The following SMYD3 variants were observed in gnomAD, a reference collection of about 807,000 sequenced individuals.
SMYD3 encodes SET and MYND domain containing 3, also known as histone-lysine N-methyltransferase SMYD3.
In SMYD3, 36 loss-of-function variants were observed where a neutral mutation model predicts 57.7. The observed-to-expected ratio is 0.62, with a 90% confidence interval of 0.48 to 0.82. SMYD3 has a LOEUF of 0.82. Ranked by LOEUF, SMYD3 falls within the 40% of genes least tolerant of loss-of-function variation. The probability of loss-of-function intolerance (pLI) is 0.00; values close to 1 mark genes in which losing one functional copy is unlikely to be tolerated. For missense variants in SMYD3, 515 were observed against 538.8 expected (o/e 0.96, Z 0.44); for synonymous variants, 211 against 195.0 (o/e 1.08, Z -0.68).
chr1:246,297,949 T>C (rs2064824747), intron 5 of SMYD3, among the ~76,000 whole-genome samples: 1 of 152,164 alleles, frequency 6.6e-6, no homozygotes, highest in Admixed American at 6.6e-5. Context: ...ATGTTATTTA[T>C]GAATTATAAC....
chr1:246,429,600 A>G (rs1314813497), intron 1 of SMYD3, among the ~76,000 whole-genome samples: 1 of 152,248 alleles, frequency 6.6e-6, no homozygotes, highest in African/African-American at 2.4e-5. Context: ...TGAAACAGCA[A>G]TCAACCCTGC....
At chr1:246,316,951 C>T (rs1490898181) in intron 5 of SMYD3, among the ~76,000 whole-genome samples, 2 of 150,582 alleles carry the variant, frequency 1.3e-5, no homozygotes, top group Admixed American at 6.6e-5. Context: ...GCTGTGATCA[C>T]GCCACTACAC....
chr1:245,767,080 G>A (rs1558315600), intron 10 of SMYD3, among the ~76,000 whole-genome samples: 1 of 152,170 alleles, frequency 6.6e-6, no homozygotes, highest in African/African-American at 2.4e-5. Context: ...CACTCCTGCT[G>A]GGAGACATTC....
At chr1:246,460,491 T>C (rs1239075144) in intron 1 of SMYD3, among the ~76,000 whole-genome samples, 2 of 152,360 alleles carry the variant, frequency 1.3e-5, no homozygotes, top group African/African-American at 4.8e-5. Flanking sequence ...AATATTATTT[T>C]CTACAGCTTT....
intron 2 of SMYD3, among the ~76,000 whole-genome samples, chr1:246,347,456 T>C (rs2065741279): frequency 6.6e-6 from 1 of 152,228 alleles, no homozygotes. Context: ...TAAAGATAAG[T>C]ATATGTCTGT....
chr1:246,319,134 A>C (rs895872176), intron 5 of SMYD3, among the ~76,000 whole-genome samples: 1 of 152,376 alleles, frequency 6.6e-6, no homozygotes, highest in South Asian at 2.1e-4. Flanking sequence ...TGTAATAAAG[A>C]CAACATATAT....
intron 8 of SMYD3, among the ~76,000 whole-genome samples, chr1:245,895,843 G>A (rs943360789): frequency 1.6e-4 from 24 of 152,208 alleles, no homozygotes; most frequent in African/African-American, 5.5e-4. Flanking sequence ...GTGTCGTGGA[G>A]GGTCTCAGAA....
chr1:245,881,552 AT>A (rs1358107265), intron 8 of SMYD3, among the ~76,000 whole-genome samples: 1 of 152,170 alleles, frequency 6.6e-6, no homozygotes, highest in Non-Finnish European at 1.5e-5. Context: ...AACAGTATTT[AT>A]TCACATATTC....
rs1021584363 is a variant in SMYD3, at chr1:246,203,062, T to A, written c.531+124139A>T. On this transcript the variant is annotated intron_variant, in intron 5 of 11. Coordinates refer to ENST00000490107, the MANE Select transcript of SMYD3 (RefSeq NM_001167740.2). This position sits in a 1 kb window ranked among gnomAD's most constrained non-coding sequence, Gnocchi z 4.6. ...ATCACTTCAACCTGGGAGGGTGAGG[T>A]TGCACTGAGCTGAGATCGCACCACT... is the stretch of plus-strand genomic sequence containing the variant. Among the ~76,000 whole-genome samples, 3 of 151,978 alleles carry A rather than the reference T, an allele frequency of 2.0e-5. No individual in the cohort carries two copies. Among genetic ancestry groups the A allele is most frequent in the African/African-American group, 7.3e-5 (3 of 41,374 alleles).
chr1:245,838,554 G>A (rs922223614), intron 10 of SMYD3, among the ~76,000 whole-genome samples: 1 of 152,164 alleles, frequency 6.6e-6, no homozygotes, highest in Non-Finnish European at 1.5e-5. Flanking sequence ...GATACATGTA[G>A]GTCTAGGTTT....
chr1:246,353,940 C>G (rs1363701890), intron 2 of SMYD3, among the ~76,000 whole-genome samples: 1 of 152,176 alleles, frequency 6.6e-6, no homozygotes, highest in South Asian at 2.1e-4. Context: ...GCATGAGAAC[C>G]TGGAACCCCT....
intron 5 of SMYD3, among the ~76,000 whole-genome samples, chr1:246,126,132 T>C (rs1344814109): frequency 6.6e-6 from 1 of 152,170 alleles, no homozygotes; most frequent in Non-Finnish European, 1.5e-5. Context: ...AGCTAAATCA[T>C]GGAGCAACAC....
intron 10 of SMYD3, chr1:245,814,432 A>C (rs1572412888): frequency 1.0e-6 from 1 of 961,810 alleles, no homozygotes; most frequent in Non-Finnish European, 1.2e-6. Flanking sequence ...GCAAAAAAAA[A>C]ATAAAAACGA....
intron 5 of SMYD3, among the ~76,000 whole-genome samples, chr1:246,198,563 T>A (rs1469707167): frequency 6.6e-6 from 1 of 152,244 alleles, no homozygotes; most frequent in Non-Finnish European, 1.5e-5. Context: ...TTACAACCAA[T>A]GAATGCTTCT....
intron 8 of SMYD3, among the ~76,000 whole-genome samples, chr1:245,912,267 C>T (rs1268254665): frequency 6.6e-6 from 1 of 151,758 alleles, no homozygotes; most frequent in African/African-American, 2.4e-5. Context: ...TAGCTACCCA[C>T]CCCCCAAAAA....
chr1:246,378,819 A>T (rs1241462307), intron 1 of SMYD3, among the ~76,000 whole-genome samples: 4 of 115,800 alleles, frequency 3.5e-5, no homozygotes, highest in Non-Finnish European at 6.7e-5. Flanking sequence ...TATATAATAT[A>T]TTTATATAGT....
intron 1 of SMYD3, among the ~76,000 whole-genome samples, chr1:246,360,365 A>G (rs990779779): frequency 3.9e-5 from 6 of 152,214 alleles, no homozygotes; most frequent in Admixed American, 3.9e-4. Flanking sequence ...ATATTGTGAA[A>G]ATGGCCATAT....
At chr1:246,340,953 A>G (rs1219083541) in intron 2 of SMYD3, among the ~76,000 whole-genome samples, 1 of 152,144 alleles carries the variant, frequency 6.6e-6, no homozygotes. Flanking sequence ...ACACCACTGC[A>G]TTCCAGTCTG....
chr1:246,039,098 T>C lies in SMYD3; in HGVS notation c.532-109161A>G, dbSNP rs1044694307. The stretch of plus-strand genomic sequence containing the variant: ...ATGGAGAAGCAGACACAGTTATAAG[T>C]GAAGGAACAAAACATAGACCGTGGA... On this transcript the variant is annotated intron_variant, in intron 5 of 11. Transcript: ENST00000490107. Among the ~76,000 whole-genome samples the C allele has an allele frequency of 2.6e-5, 4 of 152,094 alleles. No individual in the cohort carries two copies. The East Asian group carries it at 7.7e-4, about 29-fold the overall frequency.
Sources: gnomAD v4.1 joint callset for allele counts (sites outside exome capture counted in the v4.1 genomes callset) on GRCh38, gnomAD v4.1.1 for gene constraint, Gnocchi (gnomAD v3.1) non-coding constraint, MANE v1.5 for transcripts, NCBI Gene and HGNC (gene_info 2026-07-23, HGNC 2026-07-21) for gene names.